The following OTUD7A variants were observed in gnomAD, a reference collection of about 807,000 sequenced individuals.
The protein encoded by OTUD7A is OTU domain-containing protein 7A.
A neutral mutation model predicts 65.7 loss-of-function variants in OTUD7A; 12 were observed. The observed-to-expected ratio is 0.18, with a 90% CI of 0.12 to 0.30. The LOEUF is 0.30. Ranked by LOEUF, OTUD7A falls within the 10% of genes least tolerant of loss-of-function variation. The pLI is 1.00. For synonymous variants in OTUD7A, 641 were observed against 586.3 expected (o/e 1.09, Z -1.35); for missense variants, 1,148 against 1,304.8 (o/e 0.88, Z 1.85).
intron 1 of OTUD7A, among the ~76,000 whole-genome samples, chr15:31,821,132 T>C (rs1303105945): frequency 7.2e-6 from 1 of 138,382 alleles, no homozygotes; most frequent in Non-Finnish European, 1.6e-5. Flanking sequence ...GTTTTTCATT[T>C]CTTTTTTTTT....
chr15:31,511,067 A>ATATCTATATGTAACATACATC (rs1566892803), intron 8 of OTUD7A, among the ~76,000 whole-genome samples: 1 of 66,482 alleles, frequency 1.5e-5, no homozygotes, highest in Non-Finnish European at 2.7e-5. Context: ...TAACATACAT[A>ATATCTATATGTAACATACATC]TATATGTATA....
chr15:31,514,718 C>G (rs1249912479), intron 8 of OTUD7A, among the ~76,000 whole-genome samples: 2 of 152,268 alleles, frequency 1.3e-5, no homozygotes, highest in African/African-American at 2.4e-5. Context: ...ACATCTGGCT[C>G]TGGCCCCTGG....
At chr15:31,828,700 C>T (rs961947164) in intron 1 of OTUD7A, among the ~76,000 whole-genome samples, 2 of 152,044 alleles carry the variant, frequency 1.3e-5, no homozygotes, top group South Asian at 4.2e-4. Context: ...ATTTTATCAC[C>T]AATCTGTACT....
At chr15:31,503,886 T>C in intron 8 of OTUD7A, 68 bp from the exon 9 acceptor site, 1 of 1,582,534 alleles carries the variant, frequency 6.3e-7, no homozygotes, top group Non-Finnish European at 8.6e-7. Context: ...AAGTGGGGAC[T>C]GCTTCATGCA....
chr15:31,682,793 G>T (rs1278157201), intron 1 of OTUD7A, among the ~76,000 whole-genome samples: 1 of 152,210 alleles, frequency 6.6e-6, no homozygotes, highest in Non-Finnish European at 1.5e-5. Flanking sequence ...ATGTGAGTGT[G>T]CATGTGTTTA....
rs563160183 is a variant in OTUD7A at position 31,790,010 on chromosome 15, C to T, written c.-100+80497G>A. 2.6e-5 allele frequency among the ~76,000 whole-genome samples: 4 copies of T among 152,338 alleles called. No homozygotes were observed. The South Asian group carries it at 8.3e-4, about 32-fold the overall frequency. On this transcript the variant is annotated intron_variant, in intron 1 of 12. Transcript: ENST00000307050. ...TGGCTGACTAATGCCTAGCAAGCCT[C>T]AGGATCCTCAACAACTGGGAGAGGG...
chr15:31,517,111 TGGGTCATGGGTTAGGCAACCAGGCATTA>T (rs1420348608), intron 8 of OTUD7A, among the ~76,000 whole-genome samples: 1 of 152,110 alleles, frequency 6.6e-6, no homozygotes, highest in Non-Finnish European at 1.5e-5. Context: ...GTGAGGGACA[TGGGTCATGGGTTAGGCAACCAGGCATTA>T]GGACACCTGC....
Position 31,487,096 on chromosome 15 carries a change from A to G in OTUD7A, c.1371+98T>C, listed in dbSNP as rs2041248072. The G allele has an allele frequency of 8.2e-7, 1 of 1,219,726 alleles. No individual in the cohort carries two copies. The highest frequency in any genetic ancestry group is 1.2e-6 in the Non-Finnish European group (1 of 858,628). 75.6% of individuals were successfully genotyped at this position (1,219,726 alleles called of 1,614,324 possible). Reference sequence around the variant, plus strand: ...GTGGGCGGCCGGGCAGGGGCAGGCAAGAGTGTGGGAGCATTTGGGAGGATG... The same window carrying G: ...GTGGGCGGCCGGGCAGGGGCAGGCAGGAGTGTGGGAGCATTTGGGAGGATG... On this transcript the variant is annotated intron_variant, in intron 12 of 12. Transcript: ENST00000307050. The surrounding 1 kb of genome is among the most constrained non-coding windows in gnomAD (Gnocchi z 6.0).
At chr15:31,505,980 C>A (rs2041557185) in intron 8 of OTUD7A, among the ~76,000 whole-genome samples, 2 of 152,048 alleles carry the variant, frequency 1.3e-5, no homozygotes, top group South Asian at 4.1e-4. Context: ...CCTCGTGATC[C>A]ACCTGCCTCG....
intron 3 of OTUD7A, among the ~76,000 whole-genome samples, chr15:31,597,634 GC>G (rs1350979844): frequency 6.6e-6 from 1 of 152,012 alleles, no homozygotes; most frequent in African/African-American, 2.4e-5. Flanking sequence ...AATCACTTTA[GC>G]TGGAAGTCAG....
At chr15:31,594,332 A>C (rs760953365) in intron 3 of OTUD7A, among the ~76,000 whole-genome samples, 27 of 152,246 alleles carry the variant, frequency 1.8e-4, no homozygotes, top group Non-Finnish European at 2.6e-4. Flanking sequence ...TAAATCCCAA[A>C]GACATGAGAA....
At chr15:31,697,754 G>A (rs778870018) in intron 1 of OTUD7A, among the ~76,000 whole-genome samples, 73 of 152,328 alleles carry the variant, frequency 4.8e-4, no homozygotes, top group Non-Finnish European at 8.4e-4. Context: ...TGAGCCCAGA[G>A]GAGTGAGACA....
At chr15:31,653,755 A>G (rs1166918008) in intron 3 of OTUD7A, among the ~76,000 whole-genome samples, 3 of 151,488 alleles carry the variant, frequency 2.0e-5, no homozygotes, top group African/African-American at 7.3e-5. Flanking sequence ...CTGTATCTTA[A>G]TGTGAAAAAT....
intron 3 of OTUD7A, among the ~76,000 whole-genome samples, 195 bp from the exon 4 acceptor site, chr15:31,570,392 C>T (rs1031902298): frequency 2.6e-5 from 4 of 151,454 alleles, no homozygotes; most frequent in Admixed American, 2.0e-4. Flanking sequence ...CCATAAGTGA[C>T]GTCCATCTAA....
intron 8 of OTUD7A, among the ~76,000 whole-genome samples, 155 bp from the exon 9 acceptor site, chr15:31,503,973 C>T (rs2041515820): frequency 6.6e-6 from 1 of 152,198 alleles, no homozygotes; most frequent in Admixed American, 6.5e-5. Flanking sequence ...ACTTCTCATG[C>T]CATCCGCCGA....
chr15:31,565,540 C>A (rs941462508), intron 4 of OTUD7A, among the ~76,000 whole-genome samples: 1 of 151,792 alleles, frequency 6.6e-6, no homozygotes, highest in African/African-American at 2.4e-5. Flanking sequence ...AATAAAAATC[C>A]ATTCCAATTC....
chr15:31,861,375 T>C (rs1317851201), intron 1 of OTUD7A, among the ~76,000 whole-genome samples: 1 of 152,150 alleles, frequency 6.6e-6, no homozygotes, highest in African/African-American at 2.4e-5. Flanking sequence ...TAATAAACCA[T>C]ACATGCTAAG....
At chr15:31,549,716 A>C (rs1403815553) in intron 5 of OTUD7A, among the ~76,000 whole-genome samples, 1 of 152,094 alleles carries the variant, frequency 6.6e-6, no homozygotes, top group African/African-American at 2.4e-5. Flanking sequence ...GAGAGAGGAG[A>C]GATTCTCTGG....
intron 1 of OTUD7A, among the ~76,000 whole-genome samples, chr15:31,769,062 T>A (rs148600985): frequency 5.4e-4 from 82 of 152,272 alleles, no homozygotes; most frequent in Middle Eastern, 3.4e-3. Flanking sequence ...CTAATAGACA[T>A]CGATTATTGG....
Sources: allele counts gnomAD v4.1 joint callset (sites outside exome capture counted in the v4.1 genomes callset), GRCh38; gene constraint gnomAD v4.1.1; non-coding constraint Gnocchi (gnomAD v3.1); transcripts MANE v1.5; gene names NCBI Gene and HGNC (gene_info 2026-07-23, HGNC 2026-07-21).